Variants in ISM1 observed in about 807,000 individuals in gnomAD.
The protein encoded by ISM1 is isthmin 1.
A neutral mutation model predicts 46.3 loss-of-function variants in ISM1; 25 were observed. That is an observed-to-expected ratio of 0.54 (90% CI 0.39 to 0.75). ISM1 has a LOEUF of 0.75. Among genes scored for constraint, ISM1 ranks in the 30% least tolerant of loss-of-function variants. The pLI is 0.00. For missense variants in ISM1, 536 were observed against 625.4 expected (o/e 0.86, Z 1.52); for synonymous variants, 255 against 256.7 (o/e 0.99, Z 0.06).
intron 1 of ISM1, among the ~76,000 whole-genome samples, chr20:13,268,233 A>T (rs1387229592): frequency 2.3e-5 from 3 of 130,726 alleles, no homozygotes; most frequent in Non-Finnish European, 4.8e-5. Flanking sequence ...TCTCTCTTCT[A>T]TTCTTTCTCT....
At chr20:13,260,368 T>G (rs978708627) in intron 1 of ISM1, among the ~76,000 whole-genome samples, 1 of 152,172 alleles carries the variant, frequency 6.6e-6, no homozygotes, top group Non-Finnish European at 1.5e-5. Flanking sequence ...AAACTGGCAA[T>G]GAAGCTATTA....
At chr20:13,325,478 CCA>C in the ISM1 span, among the ~76,000 whole-genome samples, 1 of 151,980 alleles carries the variant, frequency 6.6e-6, no homozygotes, top group African/African-American at 2.4e-5. Context: ...ATGAGAGGGT[CCA>C]CAGTTTCTGC....
At chr20:13,223,152 G>A (rs1395075001) in intron 1 of ISM1, among the ~76,000 whole-genome samples, 1 of 139,786 alleles carries the variant, frequency 7.2e-6, no homozygotes, top group Admixed American at 7.0e-5. Context: ...GCGAGACTCC[G>A]TCTCAAAAAA....
At chr20:13,261,458 A>G (rs1014895849) in intron 1 of ISM1, among the ~76,000 whole-genome samples, 1 of 151,866 alleles carries the variant, frequency 6.6e-6, no homozygotes, top group Non-Finnish European at 1.5e-5. Context: ...AAGCTCAAAG[A>G]GTGTGGAAGC....
chr20:13,302,861 G>A (rs764296644), downstream of ISM1, among the ~76,000 whole-genome samples: 1 of 152,136 alleles, frequency 6.6e-6, no homozygotes, highest in Non-Finnish European at 1.5e-5. Context: ...AGAGGCCAGG[G>A]CAGCCTATAG....
intron 1 of ISM1, among the ~76,000 whole-genome samples, chr20:13,224,799 G>A (rs1243944957): frequency 6.6e-6 from 1 of 151,458 alleles, no homozygotes; most frequent in Non-Finnish European, 1.5e-5. Flanking sequence ...CTTTTATGTG[G>A]CAGGCACTGT....
chr20:13,270,786 C>T (rs1202893688), intron 2 of ISM1, 43 bp downstream of exon 2: 3 of 1,582,030 alleles, frequency 1.9e-6, no homozygotes, highest in Admixed American at 1.8e-5. Flanking sequence ...CAAAACAGTC[C>T]ATCTTTTGTT....
At chr20:13,267,681 G>A (rs925830587) in intron 1 of ISM1, among the ~76,000 whole-genome samples, 6 of 152,136 alleles carry the variant, frequency 3.9e-5, no homozygotes, top group Non-Finnish European at 7.4e-5. Context: ...ATCAGACTTA[G>A]TCCCTGTTTT....
chr20:13,268,185 T>G, intron 1 of ISM1, among the ~76,000 whole-genome samples: 1 of 142,500 alleles, frequency 7.0e-6, no homozygotes. Context: ...TCTCCTCTTC[T>G]CTTCACTTCG....
chr20:13,299,623 CAGGGGA>C lies in ISM1; in HGVS notation c.*165_*170del. ...TTACGCTAGGGGCGTGTGCCACGCC[CAGGGGA>C]CTGCCTTGTGAAGCCGCCCTCGCCA... On this transcript the variant is annotated 3_prime_UTR_variant, in exon 6 of 6. Coordinates refer to ENST00000262487, the MANE Select transcript of ISM1 (RefSeq NM_080826.2). The surrounding 1 kb of genome is among the most constrained non-coding windows in gnomAD (Gnocchi z 5.8). The C allele has an allele frequency of 1.4e-6, 1 of 704,572 alleles. No individual in the cohort carries two copies. The highest frequency in any genetic ancestry group is 2.3e-6 in the Non-Finnish European group (1 of 442,286). The allele number at this position is 704,572 out of a possible 1,614,324, so 43.6% of individuals were successfully genotyped here.
chr20:13,269,766 G>A (rs184503072), intron 1 of ISM1, among the ~76,000 whole-genome samples: 115 of 152,220 alleles, frequency 7.6e-4, no homozygotes, highest in Non-Finnish European at 1.4e-3. Context: ...GGCAGTCACC[G>A]TTCTTTGATC....
intron 3 of ISM1, among the ~76,000 whole-genome samples, chr20:13,280,931 C>A (rs923467321): frequency 1.3e-5 from 2 of 152,168 alleles, no homozygotes; most frequent in African/African-American, 4.8e-5. Flanking sequence ...GTGGCTTCAC[C>A]ATCAGTGGAC....
At chr20:13,268,509 C>A (rs1442624878) in intron 1 of ISM1, among the ~76,000 whole-genome samples, 1 of 152,090 alleles carries the variant, frequency 6.6e-6, no homozygotes, top group Non-Finnish European at 1.5e-5. Flanking sequence ...AGACGAAAAC[C>A]ATGGCAGAGA....
At chr20:13,324,749 C>A in the ISM1 span, among the ~76,000 whole-genome samples, 1 of 152,166 alleles carries the variant, frequency 6.6e-6, no homozygotes, top group Non-Finnish European at 1.5e-5. Context: ...TCAGGAACAG[C>A]ACCTAGCACC....
At chr20:13,248,697 GAC>G (rs1306105911) in intron 1 of ISM1, among the ~76,000 whole-genome samples, 1 of 152,176 alleles carries the variant, frequency 6.6e-6, no homozygotes, top group East Asian at 1.9e-4. Context: ...GTGTTAGAGG[GAC>G]AGTTTGAAAC....
intron 1 of ISM1, among the ~76,000 whole-genome samples, 177 bp downstream of exon 1, chr20:13,222,091 A>G (rs2039456860): frequency 6.6e-6 from 1 of 152,138 alleles, no homozygotes; most frequent in Non-Finnish European, 1.5e-5. Flanking sequence ...GAGCGGGGGC[A>G]CGTGCCTGGA....
chr20:13,313,007 C>T, the ISM1 span, among the ~76,000 whole-genome samples: 171 of 152,246 alleles, frequency 1.1e-3, no homozygotes, highest in Admixed American at 1.8e-3. Flanking sequence ...GCCTCATCTG[C>T]GCATCTTCCA....
chr20:13,274,420 C>G (rs1261330249), intron 2 of ISM1, among the ~76,000 whole-genome samples: 2 of 152,198 alleles, frequency 1.3e-5, no homozygotes, highest in African/African-American at 4.8e-5. Context: ...TCAGCTTCCG[C>G]TGCCAGGGCT....
intron 1 of ISM1, among the ~76,000 whole-genome samples, chr20:13,241,669 GA>G: frequency 6.6e-6 from 1 of 152,288 alleles, no homozygotes; most frequent in Non-Finnish European, 1.5e-5. Context: ...GACGTTTGAG[GA>G]GAGAAGATAT....
Sources: allele counts gnomAD v4.1 joint callset (sites outside exome capture counted in the v4.1 genomes callset), GRCh38; gene constraint gnomAD v4.1.1; non-coding constraint Gnocchi (gnomAD v3.1); transcripts MANE v1.5; gene names NCBI Gene and HGNC (gene_info 2026-07-23, HGNC 2026-07-21).